Variants in TBXAS1 observed in about 807,000 individuals in gnomAD.
TBXAS1 encodes thromboxane-A synthase.
A neutral mutation model predicts 60.7 loss-of-function variants in TBXAS1; 48 were observed. The ratio of observed to expected loss-of-function variants is 0.79; its 90% CI spans 0.63 to 1.01. The LOEUF (loss-of-function observed/expected upper bound fraction) is 1.01. Among genes scored for constraint, TBXAS1 ranks in the 50% least tolerant of loss-of-function variants. The probability of loss-of-function intolerance (pLI) is 0.00; values close to 1 mark genes in which losing one functional copy is unlikely to be tolerated. For missense variants in TBXAS1, 685 were observed against 686.3 expected, an observed-to-expected ratio of 1.00 and a Z score of 0.02; for synonymous variants, 287 against 269.7, an observed-to-expected ratio of 1.06 and a Z score of -0.63.
At chr7:139,914,754 A>T (rs1805835507) in intron 4 of TBXAS1, among the ~76,000 whole-genome samples, 1 of 152,156 alleles carries the variant, frequency 6.6e-6, no homozygotes, top group Admixed American at 6.5e-5. Context: ...TCGTTGTCAC[A>T]GTTGATCCCC....
At chr7:139,846,882 TG>T (rs202002406) in intron 1 of TBXAS1, among the ~76,000 whole-genome samples, 3,522 of 152,126 alleles carry the variant, frequency 0.023, 64 homozygotes, top group Middle Eastern at 0.065. Flanking sequence ...TTAGAAATGA[TG>T]GGGTGGGAGG....
intron 9 of TBXAS1, among the ~76,000 whole-genome samples, chr7:139,965,344 T>C (rs1002663923): frequency 1.3e-5 from 2 of 152,164 alleles, no homozygotes; most frequent in South Asian, 2.1e-4. Context: ...TAAAAGTATA[T>C]AGGAAGACTG....
At chr7:139,843,603 A>G (rs1303319083) in intron 1 of TBXAS1, among the ~76,000 whole-genome samples, 6 of 152,138 alleles carry the variant, frequency 3.9e-5, no homozygotes, top group African/African-American at 1.2e-4. Context: ...TCGGCCTCAC[A>G]AAGTGCTGGG....
At chr7:139,959,511 G>A (rs1810157066) in intron 8 of TBXAS1, among the ~76,000 whole-genome samples, 2 of 152,146 alleles carry the variant, frequency 1.3e-5, no homozygotes, top group African/African-American at 4.8e-5. Context: ...GTGAATAAAA[G>A]AAACCCATCT....
In TBXAS1 at chr7:139,790,313, C is replaced by T. The variant is rs1285059399; in HGVS notation, c.-80+2887C>T. Among the ~76,000 whole-genome samples, 7 of 152,346 alleles carry T rather than the reference C, an allele frequency of 4.6e-5. No individual in the cohort carries two copies. In the South Asian group the frequency reaches 6.2e-4, roughly 14 times the overall value. ...AACATTCAAGCTGCTCTTCCTACTACGGCTATTACTACTAAATGCATTATA... is the reference window on the plus strand; with the variant it reads ...AACATTCAAGCTGCTCTTCCTACTATGGCTATTACTACTAAATGCATTATA... On this transcript the variant is annotated intron_variant, in intron 4 of 16. Transcript: ENST00000336425.
chr7:139,882,437 T>C (rs1038442104), intron 3 of TBXAS1, among the ~76,000 whole-genome samples: 4 of 152,162 alleles, frequency 2.6e-5, no homozygotes, highest in Non-Finnish European at 4.4e-5. Flanking sequence ...AGTAGAATCA[T>C]AGATGTTGAA....
At chr7:139,997,149 A>T (rs1023999606) in intron 9 of TBXAS1, among the ~76,000 whole-genome samples, 7 of 152,234 alleles carry the variant, frequency 4.6e-5, no homozygotes, top group African/African-American at 7.2e-5. Flanking sequence ...ATGGCACAGA[A>T]CCGTATCTTA....
chr7:139,852,935 T>TACACACACACAC lies in TBXAS1; in HGVS notation c.90-19256_90-19245dup, dbSNP rs57545948. Among the ~76,000 whole-genome samples the TACACACACACAC allele has an allele frequency of 7.8e-6, 1 of 127,426 alleles. No individual in the cohort carries two copies. 83.6% of individuals were successfully genotyped at this position (127,426 alleles called of 152,430 possible). ...TGTGTACCAACCTTGGCTACTCCAA[T>TACACACACACAC]ACACACACACACACACACACACACA... On this transcript the variant is annotated intron_variant, in intron 1 of 12. Coordinates refer to ENST00000448866, the MANE Select transcript of TBXAS1 (RefSeq NM_001061.7). The surrounding 1 kb of genome is among the most constrained non-coding windows in gnomAD (Gnocchi z 4.4).
At chr7:139,921,585 C>T (rs889133779) in intron 4 of TBXAS1, among the ~76,000 whole-genome samples, 12 of 152,080 alleles carry the variant, frequency 7.9e-5, no homozygotes, top group Non-Finnish European at 1.8e-4. Context: ...TGCCTGTGGT[C>T]CCAGGTACTC....
chr7:139,883,003 G>A (rs1456978890), intron 3 of TBXAS1, among the ~76,000 whole-genome samples: 2 of 152,134 alleles, frequency 1.3e-5, no homozygotes, highest in African/African-American at 4.8e-5. Context: ...TTTTAGGGGG[G>A]CCATTATTCT....
intron 1 of TBXAS1, among the ~76,000 whole-genome samples, chr7:139,847,295 C>T (rs77088845): frequency 0.018 from 2,772 of 152,184 alleles, 84 homozygotes; most frequent in African/African-American, 0.063. Context: ...TTGACATTTG[C>T]CTTGCCCTTG....
intron 8 of TBXAS1, among the ~76,000 whole-genome samples, chr7:139,959,597 C>T (rs1466889414): frequency 6.6e-6 from 1 of 152,152 alleles, no homozygotes; most frequent in Non-Finnish European, 1.5e-5. Flanking sequence ...GAGGTTAAGA[C>T]AGATTTCTGC....
chr7:139,821,259 A>G (rs931217672), intron 4 of TBXAS1, among the ~76,000 whole-genome samples: 8 of 152,152 alleles, frequency 5.3e-5, no homozygotes, highest in African/African-American at 1.7e-4. Context: ...CAATGAGTCT[A>G]GCTTTAGATT....
At chr7:139,892,847 C>G (rs1463084216) in intron 3 of TBXAS1, among the ~76,000 whole-genome samples, 1 of 152,092 alleles carries the variant, frequency 6.6e-6, no homozygotes, top group Admixed American at 6.6e-5. Flanking sequence ...TTCTTGAGTC[C>G]TGCACATGGG....
At chr7:139,997,687 G>A (rs1416521308) in intron 9 of TBXAS1, among the ~76,000 whole-genome samples, 3 of 152,160 alleles carry the variant, frequency 2.0e-5, no homozygotes, top group African/African-American at 7.2e-5. Context: ...GCAAGGAAGG[G>A]AGAAGAAACT....
intron 1 of TBXAS1, among the ~76,000 whole-genome samples, chr7:139,862,980 C>A (rs1368926879): frequency 2.0e-5 from 3 of 152,174 alleles, no homozygotes; most frequent in Non-Finnish European, 1.5e-5. Context: ...TGTAGCTGAC[C>A]TGGTTTTAAC....
intron 3 of TBXAS1, among the ~76,000 whole-genome samples, chr7:139,901,598 G>C (rs1305760993): frequency 6.6e-6 from 1 of 151,988 alleles, no homozygotes; most frequent in East Asian, 1.9e-4. Flanking sequence ...AATCAGATTG[G>C]GTCCACAATC....
chr7:139,984,576 T>A (rs556766252), intron 9 of TBXAS1, among the ~76,000 whole-genome samples: 39 of 140,242 alleles, frequency 2.8e-4, no homozygotes, highest in Admixed American at 3.8e-4. Flanking sequence ...CAGGACACTA[T>A]TTTGTCCTAG....
intron 4 of TBXAS1, among the ~76,000 whole-genome samples, chr7:139,792,257 A>G (rs910449454): frequency 6.6e-6 from 1 of 152,218 alleles, no homozygotes; most frequent in African/African-American, 2.4e-5. Context: ...TCAGCTCATC[A>G]GATCCTGATA....
Sources: gnomAD v4.1 joint callset for allele counts (sites outside exome capture counted in the v4.1 genomes callset) on GRCh38, gnomAD v4.1.1 for gene constraint, Gnocchi (gnomAD v3.1) non-coding constraint, MANE v1.5 for transcripts, NCBI Gene and HGNC (gene_info 2026-07-23, HGNC 2026-07-21) for gene names.